The following BRINP3 variants were observed in gnomAD, a reference collection of about 807,000 sequenced individuals.
The protein encoded by BRINP3 is BMP/retinoic acid inducible neural specific 3, also known as BMP/retinoic acid-inducible neural-specific protein 3.
BRINP3 carries 19 observed loss-of-function variants against 71.0 expected under a neutral mutation model. The observed-to-expected ratio is 0.27, with a 90% CI of 0.19 to 0.39. The LOEUF (loss-of-function observed/expected upper bound fraction) is 0.39. Among genes scored for constraint, BRINP3 ranks in the 10% least tolerant of loss-of-function variants. The pLI is 1.00. For missense variants in BRINP3, 959 were observed against 940.8 expected, an observed-to-expected ratio of 1.02 and a Z score of -0.25; for synonymous variants, 380 against 337.7, an observed-to-expected ratio of 1.13 and a Z score of -1.37.
chr1:190,278,339 A>G (rs4845234), intron 3 of BRINP3, among the ~76,000 whole-genome samples: 123,885 of 151,346 alleles, frequency 0.82, 50,855 homozygotes, highest in Middle Eastern at 0.93. Context: ...AAAGAAGTGG[A>G]GGGATTAGTT....
At position 190,098,276 on chromosome 1, in the gene BRINP3, C is replaced by T. The variant is rs1226291140; in HGVS notation, c.2043G>A (p.Arg681=). 3 of 1,613,956 alleles carry T rather than the reference C, an allele frequency of 1.9e-6. No homozygotes were observed. Among genetic ancestry groups the T allele is most frequent in the East Asian group, 4.5e-5 (2 of 44,886 alleles). ...GGTAGTCCAGCTGCAAAATCAGGTCCCGAATTGCTTCAGGGTCAAAGTGCA... is the reference window on the plus strand; with the variant it reads ...GGTAGTCCAGCTGCAAAATCAGGTCTCGAATTGCTTCAGGGTCAAAGTGCA... The part of the protein sequence containing the change: ...YSMHFDPEAI[R]DLILQLDYPY... Residue 681 remains arginine, a synonymous_variant, in exon 8 of 8, where the codon CGG becomes CGA. Transcript: ENST00000367462.
chr1:190,180,343 T>C (rs775512520), intron 6 of BRINP3, among the ~76,000 whole-genome samples: 1 of 152,104 alleles, frequency 6.6e-6, no homozygotes, highest in Non-Finnish European at 1.5e-5. Context: ...TGCACTTCTA[T>C]AGATATAGCT....
intron 7 of BRINP3, among the ~76,000 whole-genome samples, chr1:190,111,197 A>AC (rs1439928195): frequency 1.8e-4 from 27 of 150,382 alleles, no homozygotes; most frequent in Non-Finnish European, 3.4e-4. Flanking sequence ...AAAAAAAAAA[A>AC]AAAAAAAAAA....
chr1:190,143,222 A>G (rs1166109011), intron 7 of BRINP3, among the ~76,000 whole-genome samples: 1 of 152,214 alleles, frequency 6.6e-6, no homozygotes, highest in Non-Finnish European at 1.5e-5. Flanking sequence ...AGCAAAACTC[A>G]GACTGAAGTT....
intron 2 of BRINP3, among the ~76,000 whole-genome samples, chr1:190,338,840 G>A (rs1002107304): frequency 1.3e-5 from 2 of 151,554 alleles, no homozygotes; most frequent in Non-Finnish European, 2.9e-5. Context: ...TATCATATAG[G>A]ACCTTCATTT....
intron 4 of BRINP3, among the ~76,000 whole-genome samples, chr1:190,254,125 T>C (rs1017360065): frequency 6.6e-6 from 1 of 152,188 alleles, no homozygotes; most frequent in Non-Finnish European, 1.5e-5. Flanking sequence ...CATTGGTATA[T>C]ATATCTAATT....
chr1:190,307,188 C>T (rs894465398), intron 2 of BRINP3, among the ~76,000 whole-genome samples: 2 of 139,412 alleles, frequency 1.4e-5, no homozygotes, highest in Non-Finnish European at 3.1e-5. Flanking sequence ...TTAAAACATA[C>T]AATATTTATT....
intron 2 of BRINP3, among the ~76,000 whole-genome samples, chr1:190,293,735 C>T (rs951936777): frequency 6.6e-6 from 1 of 152,104 alleles, no homozygotes; most frequent in Admixed American, 6.6e-5. Context: ...ATCATTATAT[C>T]CTGTTACTGA....
chr1:190,247,410 C>T (rs545052462), intron 4 of BRINP3, among the ~76,000 whole-genome samples: 1 of 152,064 alleles, frequency 6.6e-6, no homozygotes, highest in Admixed American at 6.6e-5. Context: ...TGCCAGTATT[C>T]CTAGCTATCA....
intron 4 of BRINP3, among the ~76,000 whole-genome samples, chr1:190,252,511 T>G (rs1221520496): frequency 1.3e-5 from 2 of 152,094 alleles, no homozygotes; most frequent in Non-Finnish European, 2.9e-5. Context: ...GTGAAACTTT[T>G]CAAAGCTGTT....
chr1:190,262,348 T>C (rs1019146908), intron 4 of BRINP3, among the ~76,000 whole-genome samples: 56 of 152,142 alleles, frequency 3.7e-4, no homozygotes, highest in African/African-American at 1.3e-3. Context: ...GTAATTGCTC[T>C]CCACTCTTTC....
At chr1:190,163,807 G>A (rs72729136) in intron 6 of BRINP3, among the ~76,000 whole-genome samples, 12,141 of 151,796 alleles carry the variant, frequency 0.08, 567 homozygotes, top group East Asian at 0.11. Context: ...TCCTTTTTCC[G>A]TCAATAGAAA....
At chr1:190,151,781 A>C (rs1454218161) in intron 7 of BRINP3, among the ~76,000 whole-genome samples, 1 of 152,190 alleles carries the variant, frequency 6.6e-6, no homozygotes, top group Admixed American at 6.6e-5. Flanking sequence ...AGGTGAGCAA[A>C]GAAGAGTCTT....
chr1:190,287,294 T>G (rs1240596847), intron 2 of BRINP3, among the ~76,000 whole-genome samples: 1 of 152,122 alleles, frequency 6.6e-6, no homozygotes, highest in Non-Finnish European at 1.5e-5. Context: ...GTTTTCCATT[T>G]GGCTGGTAAA....
At chr1:190,361,970 A>C (rs1669177924) in intron 2 of BRINP3, 1 of 152,152 alleles carries the variant, frequency 6.6e-6, no homozygotes, top group Non-Finnish European at 1.5e-5. Context: ...AGATGAGATC[A>C]TGAGCTTATG....
At chr1:190,286,194 A>C (rs148621219) in intron 2 of BRINP3, among the ~76,000 whole-genome samples, 1,595 of 152,204 alleles carry the variant, frequency 0.01, 24 homozygotes, top group African/African-American at 0.036. Flanking sequence ...GTCTGCTAAA[A>C]ACTCTGATGT....
chr1:190,354,261 T>G (rs1297236113), intron 2 of BRINP3, among the ~76,000 whole-genome samples: 1 of 152,028 alleles, frequency 6.6e-6, no homozygotes, highest in African/African-American at 2.4e-5. Flanking sequence ...CAATGTTTAA[T>G]GTTTAATTAT....
Position 190,097,797 on chromosome 1 carries a change from C to A in BRINP3, c.*221G>T, listed in dbSNP as rs190588717. On this transcript the variant is annotated 3_prime_UTR_variant, in exon 8 of 8. Coordinates refer to ENST00000367462, the MANE Select transcript of BRINP3 (RefSeq NM_199051.3). ...TTTATTGTAAAAAGTAGAATGTCTTCTAGACTGGTGTCAGTATTTATGTCA... is the reference window on the plus strand; with the variant it reads ...TTTATTGTAAAAAGTAGAATGTCTTATAGACTGGTGTCAGTATTTATGTCA... The A allele has an allele frequency of 1.4e-3, 711 of 492,790 alleles. 7 individuals are homozygous for A. The highest frequency in any genetic ancestry group is 0.012 in the African/African-American group (639 of 51,796). 30.5% of individuals were successfully genotyped at this position (492,790 alleles called of 1,614,324 possible).
intron 2 of BRINP3, among the ~76,000 whole-genome samples, chr1:190,295,526 C>G (rs1664180609): frequency 6.6e-6 from 1 of 152,142 alleles, no homozygotes; most frequent in Non-Finnish European, 1.5e-5. Flanking sequence ...GTCACTACAG[C>G]CTGCTTGCCA....
Sources: gnomAD v4.1 joint callset for allele counts (sites outside exome capture counted in the v4.1 genomes callset) on GRCh38, gnomAD v4.1.1 for gene constraint, MANE v1.5 for transcripts, NCBI Gene and HGNC (gene_info 2026-07-23, HGNC 2026-07-21) for gene names.